CNNM4: variants seen among roughly 807,000 people sequenced by gnomAD.
CNNM4 encodes cyclin and CBS domain divalent metal cation transport mediator 4.
A neutral mutation model predicts 53.7 loss-of-function variants in CNNM4; 32 were observed. The observed-to-expected ratio is 0.60, with a 90% CI of 0.45 to 0.80. The LOEUF (loss-of-function observed/expected upper bound fraction) is 0.80. Ranked by LOEUF, CNNM4 falls within the 30% of genes least tolerant of loss-of-function variation. The probability of loss-of-function intolerance (pLI) is 0.00; values close to 1 mark genes in which losing one functional copy is unlikely to be tolerated. For synonymous variants in CNNM4, 410 were observed against 440.0 expected (o/e 0.93, Z 0.85); for missense variants, 784 against 1,022.0 (o/e 0.77, Z 3.17).
Position 96,809,659 on chromosome 2 carries a change from G to A in CNNM4, c.*142G>A. The A allele has an allele frequency of 1.3e-6, 1 of 742,152 alleles. No homozygotes were observed. The highest frequency in any genetic ancestry group is 2.2e-6 in the Non-Finnish European group (1 of 449,150). 46.0% of individuals were successfully genotyped at this position (742,152 alleles called of 1,614,324 possible). On this transcript the variant is annotated 3_prime_UTR_variant, in exon 7 of 7. Transcript: ENST00000377075. ...AGCCAGATGGCCCCCAGCCTATGGGGGATCTGGCCTCTGCCAGGGACCTCT... is the reference window on the plus strand; with the variant it reads ...AGCCAGATGGCCCCCAGCCTATGGGAGATCTGGCCTCTGCCAGGGACCTCT...
chr2:96,779,336 C>G (rs2078953528), intron 1 of CNNM4, among the ~76,000 whole-genome samples: 1 of 151,962 alleles, frequency 6.6e-6, no homozygotes, highest in East Asian at 1.9e-4. Context: ...TGGTGAAACC[C>G]TGTCTCTACC....
chr2:96,793,610 T>A (rs1423887515), intron 1 of CNNM4, among the ~76,000 whole-genome samples: 1 of 152,130 alleles, frequency 6.6e-6, no homozygotes, highest in Non-Finnish European at 1.5e-5. Context: ...GAGAATGGTA[T>A]CAAGACCCTG....
chr2:96,765,100 C>G (rs185202322), intron 1 of CNNM4, among the ~76,000 whole-genome samples: 1 of 101,200 alleles, frequency 9.9e-6, no homozygotes, highest in Admixed American at 1.4e-4. Flanking sequence ...GTTAGAACAG[C>G]TGGCATTGTT....
At chr2:96,785,978 T>C (rs1015623800) in intron 1 of CNNM4, among the ~76,000 whole-genome samples, 5 of 151,344 alleles carry the variant, frequency 3.3e-5, no homozygotes, top group Admixed American at 2.0e-4. Flanking sequence ...TCTCAGCTAC[T>C]CAGGAGGCTG....
chr2:96,770,645 G>C (rs1485012966), intron 1 of CNNM4, among the ~76,000 whole-genome samples: 1 of 152,132 alleles, frequency 6.6e-6, no homozygotes, highest in Non-Finnish European at 1.5e-5. Flanking sequence ...CGGATCCCTG[G>C]GTGCCTTCTC....
intron 3 of CNNM4, 125 bp from the exon 4 acceptor site, chr2:96,798,932 C>G: frequency 1.0e-6 from 1 of 958,900 alleles, no homozygotes; most frequent in Non-Finnish European, 1.7e-6. Context: ...GAGGGCCGGC[C>G]GAGCAGGGCG....
In CNNM4 at chr2:96,808,512, G is replaced by A; in HGVS notation, c.1949-49G>A. ...GATGAGGTGAGACATGAGGGTGAGAGTGGGCATCGGAGTGGCCTTTGGCAT... is the reference window on the plus strand; with the variant it reads ...GATGAGGTGAGACATGAGGGTGAGAATGGGCATCGGAGTGGCCTTTGGCAT... On this transcript the variant is annotated intron_variant, in intron 5 of 6. Transcript: ENST00000377075. This position sits in a 1 kb window ranked among gnomAD's most constrained non-coding sequence, Gnocchi z 4.9. 1.3e-6 allele frequency: 2 copies of A among 1,596,816 alleles called. No homozygotes were observed. The highest frequency in any genetic ancestry group is 1.7e-6 in the Non-Finnish European group (2 of 1,164,938).
At chr2:96,772,696 T>A (rs1195540379) in intron 1 of CNNM4, among the ~76,000 whole-genome samples, 4 of 62,778 alleles carry the variant, frequency 6.4e-5, no homozygotes, top group Non-Finnish European at 5.7e-5. Context: ...TACCCCCACA[T>A]AGGCACAGGC....
Position 96,768,457 on chromosome 2 carries a change from G to A in CNNM4, c.1402+6056G>A, listed in dbSNP as rs559315099. On this transcript the variant is annotated intron_variant, in intron 1 of 6. Transcript: ENST00000377075. Reference sequence around the variant, plus strand: ...GCACAGAGCTCACAGATAGGGTGCCGTGGGGCTGAGGGAGGGCAGGCCTGT... The same window carrying A: ...GCACAGAGCTCACAGATAGGGTGCCATGGGGCTGAGGGAGGGCAGGCCTGT... Among the ~76,000 whole-genome samples, 14 of 152,320 alleles carry A rather than the reference G, an allele frequency of 9.2e-5. No individual in the cohort carries two copies. The East Asian group carries it at 1.2e-3, about 13-fold the overall frequency.
chr2:96,810,358 C>T lies in CNNM4; in HGVS notation c.*841C>T, dbSNP rs1470277027. On this transcript the variant is annotated 3_prime_UTR_variant, in exon 7 of 7. Coordinates refer to ENST00000377075, the MANE Select transcript of CNNM4 (RefSeq NM_020184.4). This position sits in a 1 kb window ranked among gnomAD's most constrained non-coding sequence, Gnocchi z 4.1. ...CTGACTCAAGTGTTAGGCAGGGTCT[C>T]AGGCCTTTGATTGCTCACCCCTGCT... 6.5e-6 allele frequency: 1 copy of T among 152,694 alleles called. No individual in the cohort carries two copies. The highest frequency in any genetic ancestry group is 2.4e-5 in the African/African-American group (1 of 41,452). 9.5% of individuals were successfully genotyped at this position (152,694 alleles called of 1,614,324 possible).
chr2:96,782,812 T>C (rs1040646248), intron 1 of CNNM4, among the ~76,000 whole-genome samples: 2 of 152,144 alleles, frequency 1.3e-5, no homozygotes, highest in Non-Finnish European at 2.9e-5. Context: ...ACTAGGTTAG[T>C]GCAATGGAAA....
chr2:96,805,418 G>GTTTTTTT (rs898761608), intron 5 of CNNM4, among the ~76,000 whole-genome samples: 7 of 76,138 alleles, frequency 9.2e-5, no homozygotes, highest in African/African-American at 1.5e-4. Flanking sequence ...CTTCTTTTCA[G>GTTTTTTT]TTTTTTTTTT....
intron 5 of CNNM4, among the ~76,000 whole-genome samples, chr2:96,807,963 A>C (rs1239193629): frequency 6.6e-6 from 1 of 151,944 alleles, no homozygotes; most frequent in Non-Finnish European, 1.5e-5. Flanking sequence ...AGCTTGGCTC[A>C]CTGCAATATC....
chr2:96,771,223 C>T (rs1213368722), intron 1 of CNNM4, among the ~76,000 whole-genome samples: 1 of 152,042 alleles, frequency 6.6e-6, no homozygotes, highest in Non-Finnish European at 1.5e-5. Flanking sequence ...CATAAAGGGC[C>T]CCTGGCTTAT....
chr2:96,796,143 T>TTG (rs1404301255), intron 1 of CNNM4, among the ~76,000 whole-genome samples: 2 of 126,360 alleles, frequency 1.6e-5, no homozygotes, highest in Non-Finnish European at 3.2e-5. Flanking sequence ...TTTTTTTTTT[T>TTG]TTTTTTTTTT....
intron 1 of CNNM4, among the ~76,000 whole-genome samples, chr2:96,785,168 G>A (rs544970254): frequency 1.1e-4 from 17 of 152,196 alleles, no homozygotes; most frequent in Admixed American, 2.6e-4. Context: ...ATGAGCCACT[G>A]TGCCCAGCAT....
rs763026644 is a variant in CNNM4, at chr2:96,797,625, C to T, written c.1659C>T (p.Ala553=). 6.8e-6 allele frequency: 11 copies of T among 1,614,004 alleles called. No individual in the cohort carries two copies. The highest frequency in any genetic ancestry group is 5.5e-5 in the South Asian group (5 of 91,082). ...KVKISPQLLL[A]AHRFLATEVS... ...AAATCTCCCCGCAGCTCCTCCTGGC[C>T]GCTCATCGCTTCCTAGCCACAGGTA... Residue 553 remains alanine, a synonymous_variant, in exon 3 of 7, where the codon GCC becomes GCT. Transcript: ENST00000377075. The surrounding 1 kb of genome is among the most constrained non-coding windows in gnomAD (Gnocchi z 6.0).
chr2:96,780,506 C>T (rs62152770), intron 1 of CNNM4, among the ~76,000 whole-genome samples: 12,901 of 151,472 alleles, frequency 0.085, 614 homozygotes, highest in Middle Eastern at 0.16. Context: ...GTGATCCTCC[C>T]GCCTTGGCCT....
intron 1 of CNNM4, among the ~76,000 whole-genome samples, chr2:96,765,838 C>G (rs1034877340): frequency 1.3e-5 from 2 of 150,348 alleles, no homozygotes; most frequent in African/African-American, 4.9e-5. Context: ...CTCATTGCCC[C>G]GGCTGGAGTG....
Sources: gnomAD v4.1 joint callset for allele counts (sites outside exome capture counted in the v4.1 genomes callset) on GRCh38, gnomAD v4.1.1 for gene constraint, Gnocchi (gnomAD v3.1) non-coding constraint, MANE v1.5 for transcripts, NCBI Gene and HGNC (gene_info 2026-07-23, HGNC 2026-07-21) for gene names.